DYM: variants seen among roughly 807,000 people sequenced by gnomAD.
DYM encodes the protein dymeclin.
In DYM, 78 loss-of-function variants were observed where a neutral mutation model predicts 93.1. The ratio of observed to expected loss-of-function variants is 0.84; its 90% CI spans 0.70 to 1.01. DYM has a LOEUF of 1.01. Among genes scored for constraint, DYM ranks in the 50% least tolerant of loss-of-function variants. The pLI is 0.00. For synonymous variants in DYM, 321 were observed against 319.7 expected, an observed-to-expected ratio of 1.00 and a Z score of -0.04; for missense variants, 789 against 845.0, an observed-to-expected ratio of 0.93 and a Z score of 0.82.
At chr18:49,095,339 A>G (rs996753850) in intron 17 of DYM, among the ~76,000 whole-genome samples, 1 of 152,216 alleles carries the variant, frequency 6.6e-6, no homozygotes. Flanking sequence ...TATTTCTAGT[A>G]ACATCTGTGG....
At chr18:49,262,539 C>T (rs748759785) in intron 11 of DYM, among the ~76,000 whole-genome samples, 1 of 152,168 alleles carries the variant, frequency 6.6e-6, no homozygotes, top group Non-Finnish European at 1.5e-5. Context: ...TTTCACTCAG[C>T]ATGTTTCTGT....
At chr18:49,362,947 C>T (rs2066160849) in intron 6 of DYM, among the ~76,000 whole-genome samples, 1 of 152,214 alleles carries the variant, frequency 6.6e-6, no homozygotes, top group Non-Finnish European at 1.5e-5. Context: ...AATATAGTTT[C>T]ACTGTTTTCC....
intron 2 of DYM, among the ~76,000 whole-genome samples, chr18:49,429,157 A>G (rs931665601): frequency 1.4e-4 from 22 of 152,224 alleles, no homozygotes; most frequent in African/African-American, 4.8e-4. Flanking sequence ...TCCTCCTCAC[A>G]TCACATCTGA....
chr18:49,275,522 T>C (rs1478204842), intron 10 of DYM, among the ~76,000 whole-genome samples: 1 of 152,154 alleles, frequency 6.6e-6, no homozygotes, highest in Non-Finnish European at 1.5e-5. Context: ...AGGATTCTAA[T>C]AGGTATTGTG....
At chr18:49,378,173 C>A (rs1426025833) in intron 5 of DYM, among the ~76,000 whole-genome samples, 1 of 152,182 alleles carries the variant, frequency 6.6e-6, no homozygotes, top group Non-Finnish European at 1.5e-5. Flanking sequence ...GTAACCTTTA[C>A]CATAAAATCT....
At chr18:49,156,150 G>C (rs761288351) in intron 15 of DYM, among the ~76,000 whole-genome samples, 21 of 152,164 alleles carry the variant, frequency 1.4e-4, no homozygotes, top group Non-Finnish European at 1.5e-4. Context: ...CAATGATGTT[G>C]AGTATATTTT....
intron 6 of DYM, among the ~76,000 whole-genome samples, chr18:49,356,115 C>T (rs1169337637): frequency 6.6e-6 from 1 of 151,958 alleles, no homozygotes; most frequent in Non-Finnish European, 1.5e-5. Context: ...AGAAATTACT[C>T]TGTAAAGAAG....
chr18:49,433,515 A>G (rs2080525519), intron 1 of DYM, among the ~76,000 whole-genome samples: 1 of 152,186 alleles, frequency 6.6e-6, no homozygotes, highest in Non-Finnish European at 1.5e-5. Flanking sequence ...ATCTTCCATA[A>G]TAGGTAGTGC....
At chr18:49,357,013 A>G (rs1316438831) in intron 6 of DYM, among the ~76,000 whole-genome samples, 1 of 152,200 alleles carries the variant, frequency 6.6e-6, no homozygotes, top group East Asian at 1.9e-4. Context: ...TCTTTGCTAC[A>G]TCAACATTGC....
At chr18:49,366,597 G>C (rs1433709076) in intron 5 of DYM, among the ~76,000 whole-genome samples, 1 of 152,178 alleles carries the variant, frequency 6.6e-6, no homozygotes, top group Non-Finnish European at 1.5e-5. Flanking sequence ...TTGGAGGCCA[G>C]CTTGGGCAAC....
chr18:49,315,466 A>C (rs1013440126), intron 8 of DYM, among the ~76,000 whole-genome samples: 2 of 152,186 alleles, frequency 1.3e-5, no homozygotes, highest in African/African-American at 4.8e-5. Flanking sequence ...GTGATGTTAC[A>C]AACTTCAGAC....
intron 8 of DYM, among the ~76,000 whole-genome samples, chr18:49,325,123 G>T (rs1375510488): frequency 2.6e-5 from 4 of 152,092 alleles, no homozygotes; most frequent in African/African-American, 9.7e-5. Context: ...ACCCCTAAGA[G>T]GCTCCCAGGC....
intron 14 of DYM, among the ~76,000 whole-genome samples, chr18:49,168,339 T>G (rs1282740804): frequency 6.6e-6 from 1 of 152,210 alleles, no homozygotes; most frequent in Non-Finnish European, 1.5e-5. Context: ...GCAGGAAGTA[T>G]TATATAACGT....
chr18:49,260,647 CAGA>C (rs2094475394), intron 11 of DYM, among the ~76,000 whole-genome samples: 1 of 152,076 alleles, frequency 6.6e-6, no homozygotes, highest in African/African-American at 2.4e-5. Flanking sequence ...GGCTTCCAGA[CAGA>C]AGAACATGTT....
At position 49,279,624 on chromosome 18, in the gene DYM, C is replaced by G. The variant is rs577873996; in HGVS notation, c.1125+2373G>C. ...GCTGCTCTCTGCACCATCTTATATA[C>G]CTGCATCCTTACCATACAACTTTCT... On this transcript the variant is annotated intron_variant, in intron 10 of 17. Transcript: ENST00000675505. 2.0e-5 allele frequency among the ~76,000 whole-genome samples: 3 copies of G among 152,296 alleles called. No homozygotes were observed. The East Asian group carries it at 5.8e-4, about 29-fold the overall frequency.
chr18:49,148,375 G>A (rs955759602), intron 15 of DYM, among the ~76,000 whole-genome samples: 9 of 150,738 alleles, frequency 6.0e-5, no homozygotes, highest in Non-Finnish European at 1.2e-4. Flanking sequence ...AAAGAAAATA[G>A]AAAATGTACT....
At position 49,226,318 on chromosome 18, in the gene DYM, T is replaced by C. The variant is rs564752094; in HGVS notation, c.1461-16603A>G. Among the ~76,000 whole-genome samples the C allele has an allele frequency of 2.6e-4, 39 of 152,220 alleles. 1 individual carries two copies. The highest frequency in any genetic ancestry group is 9.6e-5 in the African/African-American group (4 of 41,556). On this transcript the variant is annotated intron_variant, in intron 13 of 17. Transcript: ENST00000675505. ...TTTATTACCAGCATTCCTTCCTACATGGTATGTGGATGAAAAACGTCTTCT... is the reference window on the plus strand; with the variant it reads ...TTTATTACCAGCATTCCTTCCTACACGGTATGTGGATGAAAAACGTCTTCT...
At chr18:49,442,270 C>T (rs984995486) in intron 1 of DYM, among the ~76,000 whole-genome samples, 2 of 152,232 alleles carry the variant, frequency 1.3e-5, no homozygotes, top group Non-Finnish European at 2.9e-5. Flanking sequence ...GCAGCCCGGG[C>T]ATGGTGACTG....
intron 8 of DYM, among the ~76,000 whole-genome samples, chr18:49,292,666 A>G (rs1303620307): frequency 6.6e-6 from 1 of 151,238 alleles, no homozygotes; most frequent in Non-Finnish European, 1.5e-5. Flanking sequence ...AAGGAAAGTT[A>G]CAAAATATTT....
Sources: gnomAD v4.1 joint callset for allele counts (sites outside exome capture counted in the v4.1 genomes callset) on GRCh38, gnomAD v4.1.1 for gene constraint, MANE v1.5 for transcripts, NCBI Gene and HGNC (gene_info 2026-07-23, HGNC 2026-07-21) for gene names.